ZFAND3: variants seen among roughly 807,000 people sequenced by gnomAD.
ZFAND3 encodes AN1-type zinc finger protein 3.
ZFAND3 carries 10 observed loss-of-function variants against 29.6 expected under a neutral mutation model. The observed-to-expected ratio is 0.34, with a 90% confidence interval of 0.21 to 0.57. ZFAND3 has a LOEUF of 0.57. Ranked by LOEUF, ZFAND3 falls within the 20% of genes least tolerant of loss-of-function variation. The pLI, the probability that ZFAND3 is intolerant of heterozygous loss-of-function variation, is 0.86. For missense variants in ZFAND3, 230 were observed against 304.5 expected (o/e 0.76, Z 1.82); for synonymous variants, 128 against 112.6 (o/e 1.14, Z -0.87).
At chr6:37,821,829 C>T (rs1000736176) in intron 1 of ZFAND3, among the ~76,000 whole-genome samples, 6 of 152,058 alleles carry the variant, frequency 3.9e-5, no homozygotes, top group South Asian at 2.1e-4. Context: ...TAGCCTTTTA[C>T]CTTTATTTAT....
chr6:38,033,256 T>A (rs1763595537), intron 2 of ZFAND3, among the ~76,000 whole-genome samples: 1 of 152,182 alleles, frequency 6.6e-6, no homozygotes, highest in African/African-American at 2.4e-5. Flanking sequence ...TAGACTCTCA[T>A]CTATAATGAG....
intron 2 of ZFAND3, among the ~76,000 whole-genome samples, chr6:37,970,875 A>C (rs1762375603): frequency 6.6e-6 from 1 of 152,224 alleles, no homozygotes; most frequent in Non-Finnish European, 1.5e-5. Flanking sequence ...ACTGCACTCC[A>C]GCCTGGGCTA....
At position 38,036,158 on chromosome 6, in the gene ZFAND3, A is replaced by G. The variant is rs12663086; in HGVS notation, c.113-25435A>G. On this transcript the variant is annotated intron_variant, in intron 2 of 5. Transcript: ENST00000287218. ...CAGTTTCCAAGCACCACATATTTTC[A>G]TTAGTAAAGGGTGAAAATCTAACTG... Among the ~76,000 whole-genome samples the G allele has an allele frequency of 0.017, 2,592 of 152,338 alleles. 254 individuals carry two copies. The East Asian group carries it at 0.28, about 16-fold the overall frequency.
intron 2 of ZFAND3, among the ~76,000 whole-genome samples, chr6:38,006,029 C>G (rs1008143404): frequency 6.6e-6 from 1 of 152,200 alleles, no homozygotes; most frequent in Non-Finnish European, 1.5e-5. Flanking sequence ...CAGCTGACTT[C>G]AGCAACTCTT....
intron 2 of ZFAND3, among the ~76,000 whole-genome samples, chr6:37,993,292 C>A (rs577818300): frequency 6.6e-6 from 1 of 151,708 alleles, no homozygotes; most frequent in Non-Finnish European, 1.5e-5. Context: ...GATTTCTGTT[C>A]GCCTTTAAAA....
chr6:38,120,034 T>C (rs1219388674), intron 5 of ZFAND3, among the ~76,000 whole-genome samples: 1 of 152,164 alleles, frequency 6.6e-6, no homozygotes, highest in East Asian at 1.9e-4. Flanking sequence ...AGAAAAGGCA[T>C]GTGGTTGCGA....
intron 1 of ZFAND3, among the ~76,000 whole-genome samples, chr6:37,872,279 G>A (rs1764708742): frequency 6.6e-6 from 1 of 152,156 alleles, no homozygotes; most frequent in Non-Finnish European, 1.5e-5. Flanking sequence ...GTTTCTGCCT[G>A]GTTTTGATTG....
chr6:37,888,328 C>T (rs1391016928), intron 1 of ZFAND3, among the ~76,000 whole-genome samples: 1 of 152,146 alleles, frequency 6.6e-6, no homozygotes, highest in Non-Finnish European at 1.5e-5. Flanking sequence ...TGTAATAGAT[C>T]AGCTTGACTT....
chr6:37,888,190 A>G (rs1765030054), intron 1 of ZFAND3, among the ~76,000 whole-genome samples: 1 of 152,148 alleles, frequency 6.6e-6, no homozygotes, highest in African/African-American at 2.4e-5. Context: ...TATGGTTAAA[A>G]TTTTTGCAGG....
rs1248172968 is a variant in ZFAND3, at chr6:37,883,511, A to G, written c.72-46448A>G. On this transcript the variant is annotated intron_variant, in intron 1 of 5. Coordinates refer to ENST00000287218, the MANE Select transcript of ZFAND3 (RefSeq NM_021943.3). ...AATGAAGACTGTAGAAATCTACCCC[A>G]TATTTAAATGATGTATACCTTTTCT... 2.6e-5 allele frequency among the ~76,000 whole-genome samples: 3 copies of G among 116,864 alleles called. No homozygotes were observed. The East Asian group carries it at 6.3e-4, about 24-fold the overall frequency. 76.7% of individuals were successfully genotyped at this position (116,864 alleles called of 152,430 possible).
chr6:37,944,236 G>A (rs1384872908), intron 2 of ZFAND3, among the ~76,000 whole-genome samples: 1 of 152,032 alleles, frequency 6.6e-6, no homozygotes, highest in East Asian at 1.9e-4. Flanking sequence ...ATACCATATA[G>A]CAATTACAAG....
In ZFAND3 at chr6:38,141,005, CTT is replaced by C. The variant is rs539885825; in HGVS notation, c.530-11229_530-11228del. On this transcript the variant is annotated intron_variant, in intron 5 of 5. Coordinates refer to ENST00000287218, the MANE Select transcript of ZFAND3 (RefSeq NM_021943.3). ...CCCACCCCCACCCACACCACACAGT[CTT>C]ATAACAGTGGACAGCAGACATTGTA... Among the ~76,000 whole-genome samples, 7 of 141,494 alleles carry C rather than the reference CTT, an allele frequency of 4.9e-5. No individual in the cohort carries two copies. The East Asian group carries it at 1.6e-3, about 32-fold the overall frequency. The allele number at this position is 141,494 out of a possible 152,430, so 92.8% of individuals were successfully genotyped here.
intron 1 of ZFAND3, among the ~76,000 whole-genome samples, chr6:37,824,387 T>A (rs1763721487): frequency 6.6e-6 from 1 of 151,952 alleles, no homozygotes; most frequent in Admixed American, 6.6e-5. Flanking sequence ...TTCACAAATG[T>A]GAAGACCTAG....
At chr6:38,071,692 C>T (rs1479570130) in intron 3 of ZFAND3, among the ~76,000 whole-genome samples, 4 of 151,908 alleles carry the variant, frequency 2.6e-5, no homozygotes. Flanking sequence ...TATAGTTTGT[C>T]TTTATTTATT....
At position 37,929,959 on chromosome 6, in the gene ZFAND3, G is replaced by C. The variant is rs1355613955; in HGVS notation, c.72G>C (p.Gly24=). 2 of 1,594,768 alleles carry C rather than the reference G, an allele frequency of 1.3e-6. No individual in the cohort carries two copies. The highest frequency in any genetic ancestry group is 1.7e-6 in the Non-Finnish European group (2 of 1,172,312). ...LPPRCPCGFW[G]SSKTMNLCSK... is the part of the protein sequence containing the mutation. ...TTTCTTTTCTTTTTGTTTGCCCCAG[G>C]TCCAGCAAGACTATGAATCTCTGTT... The change falls in exon 2 of 6, where the codon GGG becomes GGC. Residue 24 remains glycine (G), a splice_region_variant and synonymous_variant. Coordinates refer to ENST00000287218, the MANE Select transcript of ZFAND3 (RefSeq NM_021943.3).
At chr6:37,974,557 C>T (rs1762448516) in intron 2 of ZFAND3, among the ~76,000 whole-genome samples, 1 of 151,844 alleles carries the variant, frequency 6.6e-6, no homozygotes, top group African/African-American at 2.4e-5. Flanking sequence ...GGCGTGCGCT[C>T]CAACACCTGG....
chr6:37,890,756 G>A (rs1198306932), intron 1 of ZFAND3, among the ~76,000 whole-genome samples: 1 of 152,192 alleles, frequency 6.6e-6, no homozygotes, highest in African/African-American at 2.4e-5. Flanking sequence ...TTCTGGTATT[G>A]TAGAGTTCTT....
chr6:38,086,316 T>C (rs1764756100), intron 4 of ZFAND3, among the ~76,000 whole-genome samples: 2 of 152,100 alleles, frequency 1.3e-5, no homozygotes, highest in South Asian at 4.1e-4. Flanking sequence ...AGAGAGAAAT[T>C]AGATAGATGA....
At chr6:38,041,175 C>T (rs1187884169) in intron 2 of ZFAND3, among the ~76,000 whole-genome samples, 1 of 152,084 alleles carries the variant, frequency 6.6e-6, no homozygotes, top group Non-Finnish European at 1.5e-5. Flanking sequence ...TTTTAGGGAG[C>T]AATATCACAA....
Sources: gnomAD v4.1 joint callset for allele counts (sites outside exome capture counted in the v4.1 genomes callset) on GRCh38, gnomAD v4.1.1 for gene constraint, MANE v1.5 for transcripts, NCBI Gene and HGNC (gene_info 2026-07-23, HGNC 2026-07-21) for gene names.